TLN2: variants seen among roughly 807,000 people sequenced by gnomAD.
The protein encoded by TLN2 is talin 2.
Under a neutral mutation model 294.7 loss-of-function variants are expected in TLN2, and 118 were observed. The ratio of observed to expected loss-of-function variants is 0.40; its 90% CI spans 0.34 to 0.47. TLN2 has a LOEUF of 0.47. TLN2 is among the 20% of genes least tolerant of loss of function. TLN2 has a pLI of 0.84. For synonymous variants in TLN2, 1,431 were observed against 1,304.5 expected, an observed-to-expected ratio of 1.10 and a Z score of -2.09; for missense variants, 3,083 against 3,282.2, an observed-to-expected ratio of 0.94 and a Z score of 1.48.
At chr15:62,509,848 C>T (rs879611790) in intron 1 of TLN2, among the ~76,000 whole-genome samples, 36 of 152,176 alleles carry the variant, frequency 2.4e-4, no homozygotes, top group Admixed American at 2.6e-4. Flanking sequence ...GCCTGGGCTC[C>T]GTTGAGGTGG....
chr15:62,766,017 C>T (rs1166340795), intron 40 of TLN2, among the ~76,000 whole-genome samples: 1 of 152,200 alleles, frequency 6.6e-6, no homozygotes, highest in African/African-American at 2.4e-5. Flanking sequence ...CATGACTGTT[C>T]CGCATGTCTA....
chr15:62,750,269 C>T (rs186878273), intron 33 of TLN2, 133 bp from the exon 34 acceptor site: 23 of 724,384 alleles, frequency 3.2e-5, no homozygotes, highest in Admixed American at 6.3e-5. Context: ...TGTAAATTCT[C>T]AAACATCTGA....
rs571044980 is a variant in TLN2, at chr15:62,733,046, G to A, written c.3359-3832G>A. 2.0e-5 allele frequency among the ~76,000 whole-genome samples: 3 copies of A among 152,328 alleles called. No homozygotes were observed. In the East Asian group the frequency reaches 5.8e-4, roughly 29 times the overall value. On this transcript the variant is annotated intron_variant, in intron 28 of 58. Coordinates refer to ENST00000636159, the MANE Select transcript of TLN2 (RefSeq NM_015059.3). ...ATTGGTAAAATGATAATGATTGGAA[G>A]TAGATAATTTTGCCAACAGGGAGTG...
rs185340677 is a variant in TLN2, at chr15:62,598,301, G to A, written c.-162+8539G>A. 7.9e-5 allele frequency among the ~76,000 whole-genome samples: 12 copies of A among 152,262 alleles called. No homozygotes were observed. The East Asian group carries it at 2.3e-3, about 29-fold the overall frequency. On this transcript the variant is annotated intron_variant, in intron 2 of 58. Transcript: ENST00000636159. ...GGTGGTCGGCTGTGTTTTATAGGTG[G>A]GAAAAGACTTCTCTGTCTCTGCCAC...
intron 25 of TLN2, among the ~76,000 whole-genome samples, chr15:62,720,499 A>G (rs1342685230): frequency 1.3e-5 from 2 of 152,182 alleles, no homozygotes; most frequent in East Asian, 1.9e-4. Context: ...TCAATTCCTC[A>G]TCCCTTTCTA....
chr15:62,793,086 G>A (rs2141119979), intron 46 of TLN2, among the ~76,000 whole-genome samples: 1 of 152,336 alleles, frequency 6.6e-6, no homozygotes, highest in African/African-American at 2.4e-5. Context: ...GTCCCCATCA[G>A]CAGCCAGGAG....
chr15:62,733,769 A>G (rs2060857959), intron 28 of TLN2: 1 of 152,274 alleles, frequency 6.6e-6, no homozygotes, highest in Non-Finnish European at 1.5e-5. Flanking sequence ...GAATACTGTG[A>G]AAGTAATCTG....
chr15:62,800,606 G>A (rs779630040), intron 49 of TLN2, 47 bp from the exon 50 acceptor site: 30 of 1,611,810 alleles, frequency 1.9e-5, no homozygotes, highest in Admixed American at 3.3e-5. Context: ...GTAGGGGCTG[G>A]ACCTGAGTCA....
intron 1 of TLN2, among the ~76,000 whole-genome samples, chr15:62,446,890 C>T (rs552591025): frequency 3.6e-4 from 55 of 152,276 alleles, no homozygotes; most frequent in Non-Finnish European, 6.2e-4. Flanking sequence ...CCATTCAAAC[C>T]GGACAAGGCA....
At chr15:62,660,057 G>T (rs2053644271) in intron 9 of TLN2, among the ~76,000 whole-genome samples, 1 of 152,062 alleles carries the variant, frequency 6.6e-6, no homozygotes, top group African/African-American at 2.4e-5. Flanking sequence ...ACAATTTAGG[G>T]TTTTAAAATA....
chr15:62,478,205 A>T (rs2037890402), intron 1 of TLN2, among the ~76,000 whole-genome samples: 1 of 152,092 alleles, frequency 6.6e-6, no homozygotes, highest in South Asian at 2.1e-4. Flanking sequence ...ACACAGCGAG[A>T]GTGTGCAGTC....
chr15:62,821,017 T>G (rs1008927515), intron 54 of TLN2, among the ~76,000 whole-genome samples: 7 of 152,184 alleles, frequency 4.6e-5, no homozygotes, highest in Non-Finnish European at 1.0e-4. Context: ...AATGAGAACT[T>G]CAAAAGTGCA....
intron 3 of TLN2, among the ~76,000 whole-genome samples, chr15:62,643,984 T>G (rs974312041): frequency 5.3e-5 from 8 of 152,098 alleles, no homozygotes; most frequent in Non-Finnish European, 4.4e-5. Context: ...ACAGCAACCA[T>G]GTGATGTGCA....
At position 62,839,082 on chromosome 15, in the gene TLN2, C is replaced by T. The variant is rs910822692; in HGVS notation, c.7500+101C>T. The T allele has an allele frequency of 8.3e-6, 12 of 1,448,658 alleles. No individual in the cohort carries two copies. In the African/African-American group the frequency reaches 9.9e-5, roughly 12 times the overall value. The allele number at this position is 1,448,658 out of a possible 1,614,324, so 89.7% of individuals were successfully genotyped here. On this transcript the variant is annotated intron_variant, in intron 58 of 58. Transcript: ENST00000636159. Reference sequence around the variant, plus strand: ...ACTTCAAGATGAAAGTTTATTTCTTCCTCGTGTACCAGAGATGGTGTGGTG... The same window carrying T: ...ACTTCAAGATGAAAGTTTATTTCTTTCTCGTGTACCAGAGATGGTGTGGTG...
intron 1 of TLN2, among the ~76,000 whole-genome samples, chr15:62,544,012 A>G (rs1394098417): frequency 1.3e-5 from 2 of 152,014 alleles, no homozygotes; most frequent in Non-Finnish European, 2.9e-5. Context: ...TCTGGCCTTG[A>G]CAGACTCTGA....
rs1056887693 is a variant in TLN2, at chr15:62,670,967, T to C, written c.789-2860T>C. ...ACTTGCTGTTGTCCATCTTTTTTAT[T>C]GTAGCCATCCTCGCGGGTATGTATT... On this transcript the variant is annotated intron_variant, in intron 9 of 58. Transcript: ENST00000636159. 2.0e-5 allele frequency among the ~76,000 whole-genome samples: 3 copies of C among 152,344 alleles called. No individual in the cohort carries two copies. In the South Asian group the frequency reaches 6.2e-4, roughly 32 times the overall value.
rs528484217 is a variant in TLN2, at chr15:62,781,193, G to A, written c.5568G>A (p.Thr1856=). The change falls in exon 44 of 59, where the codon ACG becomes ACA. Residue 1856 remains threonine (T), a synonymous_variant. Transcript: ENST00000636159. The part of the protein sequence containing the change: ...EPKGTFVDYQ[T]TVVKYSKAIA... ...AGGGAACATTTGTCGACTATCAGAC[G>A]ACTGTGGTTAAATACTCCAAAGCCA... The A allele has an allele frequency of 1.3e-5, 21 of 1,614,182 alleles. No individual in the cohort carries two copies. The highest frequency in any genetic ancestry group is 8.3e-5 in the Admixed American group (5 of 60,028).
chr15:62,487,517 A>G (rs899781402), intron 1 of TLN2, among the ~76,000 whole-genome samples: 1 of 152,078 alleles, frequency 6.6e-6, no homozygotes, highest in Non-Finnish European at 1.5e-5. Context: ...CCGCAGACCT[A>G]TTGTTCCCAC....
intron 3 of TLN2, chr15:62,638,148 CTCTT>C (rs2050596941): frequency 6.0e-6 from 1 of 165,468 alleles, no homozygotes; most frequent in African/African-American, 2.4e-5. Flanking sequence ...CGGCTCCCCT[CTCTT>C]TCAGGCGGTC....
Sources: gnomAD v4.1 joint callset for allele counts (sites outside exome capture counted in the v4.1 genomes callset) on GRCh38, gnomAD v4.1.1 for gene constraint, MANE v1.5 for transcripts, NCBI Gene and HGNC (gene_info 2026-07-23, HGNC 2026-07-21) for gene names.